Variants in OPHN1 observed in about 807,000 individuals in gnomAD.
OPHN1 encodes oligophrenin-1.
A neutral mutation model predicts 60.7 loss-of-function variants in OPHN1; 11 were observed. The ratio of observed to expected loss-of-function variants is 0.18; its 90% confidence interval spans 0.11 to 0.30. OPHN1 has a LOEUF of 0.30. Among genes scored for constraint, OPHN1 ranks in the 10% least tolerant of loss-of-function variants. The pLI is 1.00. For missense variants in OPHN1, 449 were observed against 611.0 expected (o/e 0.73, Z 2.80); for synonymous variants, 226 against 222.6 (o/e 1.02, Z -0.14).
intron 2 of OPHN1, among the ~76,000 whole-genome samples, chrX:68,403,267 A>G (rs1230413563): frequency 9.0e-6 from 1 of 111,688 alleles, no homozygotes; most frequent in African/African-American, 3.3e-5. Flanking sequence ...CTTTCATACC[A>G]TTAGCCTCAG....
chrX:68,230,438 C>T (rs1204456673), intron 6 of OPHN1, among the ~76,000 whole-genome samples: 1 of 111,035 alleles, frequency 9.0e-6, no homozygotes, highest in Non-Finnish European at 1.9e-5. Flanking sequence ...GATTATAAAT[C>T]ATGCTGCTAT....
intron 5 of OPHN1, among the ~76,000 whole-genome samples, chrX:68,239,937 G>A (rs1228498337): frequency 9.0e-6 from 1 of 110,516 alleles, no homozygotes; most frequent in Non-Finnish European, 1.9e-5. Flanking sequence ...AGCCTCCCAA[G>A]TAGCTGGAAC....
intron 2 of OPHN1, among the ~76,000 whole-genome samples, chrX:68,387,345 C>CA (rs2078630095): frequency 9.0e-6 from 1 of 110,534 alleles, no homozygotes. Flanking sequence ...TTCAAGCCAC[C>CA]ATTCTCTTAC....
chrX:68,311,541 T>A (rs1472769978), intron 2 of OPHN1, among the ~76,000 whole-genome samples: 1 of 111,232 alleles, frequency 9.0e-6, no homozygotes, highest in Admixed American at 9.6e-5. Context: ...TAATCGATTC[T>A]CCTGCCTCAG....
At chrX:68,403,781 C>CTA (rs1397415728) in intron 2 of OPHN1, among the ~76,000 whole-genome samples, 2 of 110,048 alleles carry the variant, frequency 1.8e-5, no homozygotes, top group Admixed American at 2.0e-4. Flanking sequence ...TAAACAGAGG[C>CTA]AGCATTCTGA....
chrX:68,256,611 A>G (rs986178251), intron 5 of OPHN1, among the ~76,000 whole-genome samples: 2 of 112,080 alleles, frequency 1.8e-5, no homozygotes, highest in Non-Finnish European at 3.8e-5. Flanking sequence ...TCAACCTGGC[A>G]TGGATCAAGT....
intron 2 of OPHN1, among the ~76,000 whole-genome samples, chrX:68,370,917 C>G (rs1384795265): frequency 5.4e-5 from 6 of 111,298 alleles, no homozygotes; most frequent in Non-Finnish European, 9.4e-5. Flanking sequence ...ACAAAAAAAT[C>G]AATTAATACA....
intron 5 of OPHN1, among the ~76,000 whole-genome samples, chrX:68,245,403 C>A (rs2077800693): frequency 8.9e-6 from 1 of 112,104 alleles, no homozygotes; most frequent in Admixed American, 9.5e-5. Context: ...CATATGATTT[C>A]CTCTATATAA....
intron 15 of OPHN1, among the ~76,000 whole-genome samples, chrX:68,129,713 CAATT>C (rs2077186292): frequency 9.0e-6 from 1 of 111,279 alleles, no homozygotes; most frequent in South Asian, 3.8e-4. Context: ...CAGAGTGTCT[CAATT>C]AATTCAGGAA....
chrX:68,226,320 A>C (rs927014819), intron 6 of OPHN1, among the ~76,000 whole-genome samples: 23 of 111,944 alleles, frequency 2.1e-4, no homozygotes, highest in Non-Finnish European at 4.3e-4. Context: ...GATATTATCC[A>C]GGAGAACTTC....
intron 9 of OPHN1, 161 bp downstream of exon 9, chrX:68,209,992 C>CTTTTT (rs57516402): frequency 8.9e-5 from 40 of 447,154 alleles, no homozygotes; most frequent in Admixed American, 5.3e-4. Flanking sequence ...TCAGTTTCTC[C>CTTTTT]TTTTTTTTTT....
chrX:68,071,341 G>A, intron 20 of OPHN1: 2 of 737,338 alleles, frequency 2.7e-6, no homozygotes, highest in Non-Finnish European at 4.3e-6. Flanking sequence ...TTCTATTTTG[G>A]CGGGCTCACT....
chrX:68,314,637 C>A (rs2078190072), intron 2 of OPHN1, among the ~76,000 whole-genome samples: 1 of 111,045 alleles, frequency 9.0e-6, no homozygotes, highest in Non-Finnish European at 1.9e-5. Flanking sequence ...CAATACTTCT[C>A]AAACCCTTCT....
At position 68,192,770 on chromosome X, in the gene OPHN1, G is replaced by A. The variant is rs5965513; in HGVS notation, c.1276+149C>T. ...TCAAGGTACGATTGACTCTGCCCAG[G>A]GTGGGCAAGTATGTGTATGTTTTAC... On this transcript the variant is annotated intron_variant, in intron 15 of 24. Transcript: ENST00000355520. The A allele has an allele frequency of 0.036, 17,433 of 488,850 alleles. 2,218 individuals are homozygous for A. The African/African-American group carries it at 0.37, about 10-fold the overall frequency. 40.3% of individuals were successfully genotyped at this position (488,850 alleles called of 1,213,427 possible). A position where few individuals can be genotyped will look rare whatever the true frequency, so the allele number is the denominator to read the frequency against.
intron 2 of OPHN1, among the ~76,000 whole-genome samples, chrX:68,316,869 G>C (rs1404563604): frequency 1.8e-5 from 2 of 111,939 alleles, no homozygotes; most frequent in Non-Finnish European, 3.8e-5. Flanking sequence ...TAAGTGAGTA[G>C]AATGTGGACA....
intron 5 of OPHN1, among the ~76,000 whole-genome samples, chrX:68,259,711 A>G (rs976252514): frequency 8.9e-6 from 1 of 111,869 alleles, no homozygotes; most frequent in Non-Finnish European, 1.9e-5. Context: ...TGACTTGCCT[A>G]CACTCACCAG....
chrX:68,350,236 T>A (rs1962561798), intron 2 of OPHN1, among the ~76,000 whole-genome samples: 1 of 111,460 alleles, frequency 9.0e-6, no homozygotes, highest in African/African-American at 3.2e-5. Flanking sequence ...GTACATCTAT[T>A]ATGTATCAAC....
intron 5 of OPHN1, among the ~76,000 whole-genome samples, chrX:68,264,207 A>G (rs929788181): frequency 8.9e-6 from 1 of 111,746 alleles, no homozygotes; most frequent in African/African-American, 3.3e-5. Flanking sequence ...CAAGGACTTC[A>G]TGTCTAAAAC....
At position 68,162,206 on chromosome X, in the gene OPHN1, C is replaced by G. The variant is rs143832907; in HGVS notation, c.1276+30713G>C. Among the ~76,000 whole-genome samples the G allele has an allele frequency of 2.9e-3, 324 of 110,546 alleles. 1 individual carries two copies. The highest frequency in any genetic ancestry group is 0.01 in the African/African-American group (310 of 30,628). On this transcript the variant is annotated intron_variant, in intron 15 of 24. Coordinates refer to ENST00000355520, the MANE Select transcript of OPHN1 (RefSeq NM_002547.3). ...ATACTAAATTCCAGATACTGGTTAT[C>G]TGTATCAGAACAGGAAAGCAATATG...
Sources: gnomAD v4.1 joint callset for allele counts (sites outside exome capture counted in the v4.1 genomes callset) on GRCh38, gnomAD v4.1.1 for gene constraint, MANE v1.5 for transcripts, NCBI Gene and HGNC (gene_info 2026-07-23, HGNC 2026-07-21) for gene names.